The following LEPR variants were observed in gnomAD, a reference collection of about 807,000 sequenced individuals.
The protein encoded by LEPR is OB receptor.
A neutral mutation model predicts 114.7 loss-of-function variants in LEPR; 56 were observed. The ratio of observed to expected loss-of-function variants is 0.49; its 90% confidence interval spans 0.39 to 0.61. LEPR has a LOEUF of 0.61. Among genes scored for constraint, LEPR ranks in the 20% least tolerant of loss-of-function variants. The probability of loss-of-function intolerance (pLI) is 0.00; values close to 1 mark genes in which losing one functional copy is unlikely to be tolerated. For synonymous variants in LEPR, 443 were observed against 461.4 expected (o/e 0.96, Z 0.51); for missense variants, 1,202 against 1,352.9 (o/e 0.89, Z 1.75).
intron 2 of LEPR, among the ~76,000 whole-genome samples, chr1:65,520,398 A>AT (rs759380776): frequency 6.6e-6 from 1 of 152,154 alleles, no homozygotes; most frequent in Non-Finnish European, 1.5e-5. Flanking sequence ...TTATTTTCGC[A>AT]TCCCTCTGGT....
intron 2 of LEPR, chr1:65,433,828 G>A (rs1450043721): frequency 1.0e-6 from 1 of 983,842 alleles, no homozygotes; most frequent in African/African-American, 1.8e-5. Flanking sequence ...AAATTTTTTT[G>A]TGATGTTGCC....
Position 65,601,655 on chromosome 1 carries a change from C to A in LEPR, c.1258C>A (p.His420Asn). The A allele has an allele frequency of 6.2e-7, 1 of 1,613,662 alleles. No individual in the cohort carries two copies. The highest frequency in any genetic ancestry group is 8.5e-7 in the Non-Finnish European group (1 of 1,179,724). ...CTGCTGCAATGAACATGAATGCCAT[C>A]ATCGCTATGCTGAATTATATGTGAT... Reference protein sequence around the residue: ...VYCCNEHECHHRYAELYVIDV... With the variant: ...VYCCNEHECHNRYAELYVIDV... Residue 420 changes from histidine (H) to asparagine (N), a missense_variant, in exon 9 of 20, where the codon CAT becomes AAT. His to Asn is a moderately conservative substitution (Grantham distance 68). Transcript: ENST00000349533.
chr1:65,422,942 G>C (rs1025349811), intron 1 of LEPR, among the ~76,000 whole-genome samples: 12 of 152,090 alleles, frequency 7.9e-5, no homozygotes, highest in African/African-American at 2.7e-4. Flanking sequence ...AGTCACAGAG[G>C]CAGGAATAAG....
At chr1:65,502,560 C>T (rs751015340) in intron 2 of LEPR, among the ~76,000 whole-genome samples, 5 of 151,876 alleles carry the variant, frequency 3.3e-5, no homozygotes, top group East Asian at 1.9e-4. Flanking sequence ...GATGTTCTAG[C>T]GGATGGAGAA....
At chr1:65,475,944 G>A (rs989010438) in intron 2 of LEPR, among the ~76,000 whole-genome samples, 12 of 151,716 alleles carry the variant, frequency 7.9e-5, no homozygotes, top group Non-Finnish European at 1.2e-4. Context: ...CTGAGCCCAG[G>A]AGGTTGAGTC....
At chr1:65,472,410 A>AC (rs1489562056) in intron 2 of LEPR, among the ~76,000 whole-genome samples, 18 of 126,414 alleles carry the variant, frequency 1.4e-4, no homozygotes, top group African/African-American at 6.2e-4. Context: ...GCTGTGGCTA[A>AC]AACACACACA....
At chr1:65,441,626 G>A (rs1570455521) in intron 2 of LEPR, among the ~76,000 whole-genome samples, 2 of 152,186 alleles carry the variant, frequency 1.3e-5, no homozygotes, top group East Asian at 3.9e-4. Context: ...GATTTGAAAT[G>A]TTTTAGATAA....
intron 2 of LEPR, among the ~76,000 whole-genome samples, chr1:65,455,476 C>G (rs1646856487): frequency 1.3e-5 from 2 of 152,172 alleles, no homozygotes; most frequent in Non-Finnish European, 2.9e-5. Flanking sequence ...GATGTCCTTT[C>G]TGTTTGTTAG....
intron 19 of LEPR, chr1:65,634,079 G>T (rs1658624761): frequency 2.0e-6 from 2 of 985,220 alleles, no homozygotes; most frequent in Non-Finnish European, 2.4e-6. Flanking sequence ...TTCATGGTGA[G>T]GACAGAACTT....
rs912222795 is a variant in LEPR, at chr1:65,546,190, G to A, written c.-20-19356G>A. Among the ~76,000 whole-genome samples, 861 of 152,114 alleles carry A rather than the reference G, an allele frequency of 5.7e-3. 10 individuals are homozygous for A. The highest frequency in any genetic ancestry group is 0.019 in the African/African-American group (808 of 41,508). On this transcript the variant is annotated intron_variant, in intron 2 of 19. Coordinates refer to ENST00000349533, the MANE Select transcript of LEPR (RefSeq NM_002303.6). ...ATATCTCTGTTTTGGTACCAGTACC[G>A]TGCTGTTTTGGTTACTGTAGCCTTG...
chr1:65,538,912 G>A (rs1438663819), intron 2 of LEPR, among the ~76,000 whole-genome samples: 1 of 151,676 alleles, frequency 6.6e-6, no homozygotes. Flanking sequence ...GGAAACACTT[G>A]TGCCTTTTAT....
chr1:65,544,105 A>G (rs1651452553), intron 2 of LEPR, among the ~76,000 whole-genome samples: 1 of 151,958 alleles, frequency 6.6e-6, no homozygotes, highest in South Asian at 2.1e-4. Context: ...TGTGCATGGA[A>G]TGTTTTTCCA....
At chr1:65,431,438 C>A (rs538113551) in intron 2 of LEPR, among the ~76,000 whole-genome samples, 28 of 152,320 alleles carry the variant, frequency 1.8e-4, no homozygotes, top group Non-Finnish European at 4.1e-4. Context: ...TATAACTCTA[C>A]AATTTTTATT....
intron 6 of LEPR, among the ~76,000 whole-genome samples, chr1:65,594,338 T>C (rs1016914187): frequency 2.6e-5 from 4 of 151,526 alleles, no homozygotes; most frequent in Admixed American, 6.6e-5. Context: ...GATATGAGAG[T>C]ATTAAGGGAT....
intron 2 of LEPR, among the ~76,000 whole-genome samples, chr1:65,473,031 T>C (rs1647107981): frequency 6.6e-6 from 1 of 152,248 alleles, no homozygotes; most frequent in African/African-American, 2.4e-5. Context: ...GCCAATTATC[T>C]TTCTGACAGG....
intron 19 of LEPR, chr1:65,635,393 G>A: frequency 2.0e-6 from 2 of 983,692 alleles, no homozygotes; most frequent in Non-Finnish European, 2.4e-6. Context: ...ATTTTTCTTT[G>A]TGATATAATC....
intron 2 of LEPR, among the ~76,000 whole-genome samples, chr1:65,502,694 G>A (rs917908868): frequency 6.6e-6 from 1 of 152,114 alleles, no homozygotes. Context: ...TCATTGTGAG[G>A]CTGAAATTTT....
At chr1:65,634,493 A>G in intron 19 of LEPR, 1 of 943,534 alleles carries the variant, frequency 1.1e-6, no homozygotes, top group Non-Finnish European at 1.3e-6. Flanking sequence ...TACTTTTAAT[A>G]AAGTTTTATA....
chr1:65,580,109 C>T (rs930140925), intron 5 of LEPR, among the ~76,000 whole-genome samples: 1 of 152,132 alleles, frequency 6.6e-6, no homozygotes, highest in African/African-American at 2.4e-5. Context: ...TTTCCTGCCA[C>T]ATTATATACC....
Sources: allele counts gnomAD v4.1 joint callset (sites outside exome capture counted in the v4.1 genomes callset), GRCh38; gene constraint gnomAD v4.1.1; transcripts MANE v1.5; gene names NCBI Gene and HGNC (gene_info 2026-07-23, HGNC 2026-07-21).